LRRFIP2: variants seen among roughly 807,000 people sequenced by gnomAD.
LRRFIP2 encodes LRR binding FLII interacting protein 2, also known as leucine-rich repeat flightless-interacting protein 2.
LRRFIP2 carries 109 observed loss-of-function variants against 125.9 expected under a neutral mutation model. The observed-to-expected ratio is 0.87, with a 90% CI of 0.74 to 1.01. The LOEUF (loss-of-function observed/expected upper bound fraction) is 1.01, where lower values mean the gene tolerates loss of function less well. Ranked by LOEUF, LRRFIP2 falls within the 50% of genes least tolerant of loss-of-function variation. The pLI is 0.00. For missense variants in LRRFIP2, 850 were observed against 862.3 expected (o/e 0.99, Z 0.18); for synonymous variants, 291 against 293.1 (o/e 0.99, Z 0.07).
rs1047643987 is a variant in LRRFIP2, at chr3:37,065,525, G to A, written c.1699+285C>T. On this transcript the variant is annotated intron_variant, in intron 23 of 27. Coordinates refer to ENST00000336686, the MANE Select transcript of LRRFIP2 (RefSeq NM_006309.4). ...CACAGGTATACTAGACTATCTCTTT[G>A]CAGAACAGTTTGTAGTTAAGTAAAA... The A allele has an allele frequency of 1.6e-5, 9 of 554,166 alleles. No individual in the cohort carries two copies. The African/African-American group carries it at 1.7e-4, about 10-fold the overall frequency. The allele number at this position is 554,166 out of a possible 1,614,324, so 34.3% of individuals were successfully genotyped here.
In LRRFIP2 at chr3:37,053,648, G is replaced by GAATC; in HGVS notation, c.*199_*202dup. 1 of 563,460 alleles carries GAATC rather than the reference G, an allele frequency of 1.8e-6. No homozygotes were observed. The highest frequency in any genetic ancestry group is 3.1e-5 in the Admixed American group (1 of 31,954). The allele number at this position is 563,460 out of a possible 1,614,324, so 34.9% of individuals were successfully genotyped here. A position where few individuals can be genotyped will look rare whatever the true frequency, so the allele number is the denominator to read the frequency against. Reference sequence around the variant, plus strand: ...AACAGCATGGACTGGTTCTACCCTAGAATCAAACTACAACAAAATCCAAAG... The same window carrying GAATC: ...AACAGCATGGACTGGTTCTACCCTAGAATCAATCAAACTACAACAAAATCCAAAG... On this transcript the variant is annotated 3_prime_UTR_variant, in exon 28 of 28. Coordinates refer to ENST00000336686, the MANE Select transcript of LRRFIP2 (RefSeq NM_006309.4).
chr3:37,066,586 T>G (rs1303747401), intron 21 of LRRFIP2: 1 of 335,046 alleles, frequency 3.0e-6, no homozygotes, highest in Non-Finnish European at 5.6e-6. Flanking sequence ...AGCAGGGAAA[T>G]AAATCTTTTC....
intron 1 of LRRFIP2, chr3:37,174,178 A>AT (rs1232991926): frequency 4.6e-5 from 7 of 152,234 alleles, no homozygotes; most frequent in African/African-American, 7.2e-5. Context: ...ACTTGCCATT[A>AT]TTTTTTAACT....
At chr3:37,110,934 A>G in intron 9 of LRRFIP2, 57 bp downstream of exon 9, 1 of 1,515,444 alleles carries the variant, frequency 6.6e-7, no homozygotes, top group Non-Finnish European at 9.1e-7. Context: ...AAATGGGGAG[A>G]TTAGAAATAT....
intron 13 of LRRFIP2, 94 bp from the exon 14 acceptor site, chr3:37,105,617 T>C (rs1315111604): frequency 1.2e-6 from 1 of 815,424 alleles, no homozygotes; most frequent in Non-Finnish European, 2.1e-6. Context: ...GAGATGCATA[T>C]GAATAACTAT....
intron 17 of LRRFIP2, among the ~76,000 whole-genome samples, chr3:37,092,111 G>A (rs982880769): frequency 6.6e-6 from 1 of 152,196 alleles, no homozygotes; most frequent in African/African-American, 2.4e-5. Flanking sequence ...TGTCAAATGA[G>A]ATATTCTATC....
chr3:37,096,232 A>G (rs1200100590), intron 16 of LRRFIP2, among the ~76,000 whole-genome samples: 5 of 152,216 alleles, frequency 3.3e-5, no homozygotes, highest in African/African-American at 1.2e-4. Flanking sequence ...AATTCTAGAA[A>G]GGAGTTATTT....
intron 2 of LRRFIP2, among the ~76,000 whole-genome samples, chr3:37,130,984 C>T (rs964508512): frequency 1.3e-5 from 2 of 152,180 alleles, no homozygotes; most frequent in African/African-American, 4.8e-5. Flanking sequence ...GCACCTCAAA[C>T]GGCAAAAGTT....
chr3:37,100,778 C>T (rs552887411), intron 15 of LRRFIP2, among the ~76,000 whole-genome samples: 14 of 152,042 alleles, frequency 9.2e-5, no homozygotes, highest in Non-Finnish European at 1.6e-4. Flanking sequence ...GGGGGAAAAA[C>T]GGGGATTGCT....
intron 2 of LRRFIP2, among the ~76,000 whole-genome samples, chr3:37,132,198 T>C (rs1212850750): frequency 1.3e-5 from 2 of 152,160 alleles, no homozygotes. Flanking sequence ...GCAAATGTAT[T>C]TTAAAATCAC....
intron 24 of LRRFIP2, among the ~76,000 whole-genome samples, chr3:37,059,486 C>T (rs2087884544): frequency 6.6e-6 from 1 of 152,048 alleles, no homozygotes; most frequent in Admixed American, 6.6e-5. Context: ...TAGAAAACAT[C>T]CTGTATGTAA....
chr3:37,090,643 T>C (rs2093376793), intron 18 of LRRFIP2, among the ~76,000 whole-genome samples: 1 of 152,198 alleles, frequency 6.6e-6, no homozygotes, highest in Non-Finnish European at 1.5e-5. Context: ...AAGAAGAGCA[T>C]GATAACCAAA....
intron 2 of LRRFIP2, 27 bp downstream of exon 2, chr3:37,148,867 T>C: frequency 6.2e-7 from 1 of 1,613,550 alleles, no homozygotes; most frequent in South Asian, 1.1e-5. Flanking sequence ...TGCAACTCAG[T>C]GTTGAGAGGG....
chr3:37,153,908 C>T (rs1335467245), intron 1 of LRRFIP2, among the ~76,000 whole-genome samples: 2 of 151,264 alleles, frequency 1.3e-5, no homozygotes, highest in Non-Finnish European at 2.9e-5. Context: ...AAAGGATAAC[C>T]TAGTACTTTT....
chr3:37,165,795 G>GAGAAAGAA (rs780657651), intron 1 of LRRFIP2, among the ~76,000 whole-genome samples: 11 of 18,038 alleles, frequency 6.1e-4, no homozygotes, highest in South Asian at 5.4e-3. Flanking sequence ...GAGAAAGAAA[G>GAGAAAGAA]AGAAAGAAAG....
At chr3:37,064,228 G>C (rs2089560704) in intron 23 of LRRFIP2, 1 of 158,436 alleles carries the variant, frequency 6.3e-6, no homozygotes, top group South Asian at 1.9e-4. Context: ...AGAGAAAAGA[G>C]AGGAGCATAA....
At chr3:37,090,342 C>T (rs2093359564) in intron 18 of LRRFIP2, among the ~76,000 whole-genome samples, 1 of 152,146 alleles carries the variant, frequency 6.6e-6, no homozygotes, top group Non-Finnish European at 1.5e-5. Context: ...AATTCTCCTG[C>T]CTCAGCCTCC....
intron 18 of LRRFIP2, among the ~76,000 whole-genome samples, chr3:37,090,104 A>G (rs1224013498): frequency 6.6e-6 from 1 of 152,226 alleles, no homozygotes; most frequent in Non-Finnish European, 1.5e-5. Context: ...GCCAGGGAAG[A>G]TGACAAAACC....
chr3:37,066,932 T>G (rs1440615162), intron 21 of LRRFIP2: 1 of 152,490 alleles, frequency 6.6e-6, no homozygotes, highest in African/African-American at 2.4e-5. Context: ...CTTAATTAAA[T>G]ATAACTGAGA....
Sources: gnomAD v4.1 joint callset for allele counts (sites outside exome capture counted in the v4.1 genomes callset) on GRCh38, gnomAD v4.1.1 for gene constraint, MANE v1.5 for transcripts, NCBI Gene and HGNC (gene_info 2026-07-23, HGNC 2026-07-21) for gene names.